The following SDK1 variants were observed in gnomAD, a reference collection of about 807,000 sequenced individuals.
SDK1 encodes the protein sidekick cell adhesion molecule 1.
SDK1 carries 157 observed loss-of-function variants against 245.5 expected under a neutral mutation model. The ratio of observed to expected loss-of-function variants is 0.64; its 90% CI spans 0.56 to 0.73. The LOEUF is 0.73. SDK1 is among the 30% of genes least tolerant of loss of function. SDK1 has a pLI of 0.00. For synonymous variants in SDK1, 1,647 were observed against 1,278.5 expected (o/e 1.29, Z -6.15); for missense variants, 3,583 against 3,002.3 (o/e 1.19, Z -4.52).
In SDK1 at chr7:3,755,389, C is replaced by T. The variant is rs528884471; in HGVS notation, c.714-66061C>T. On this transcript the variant is annotated intron_variant, in intron 4 of 44. Coordinates refer to ENST00000404826, the MANE Select transcript of SDK1 (RefSeq NM_152744.4). ...GTGTTTTGGCTTCCTGGGTTTCTCA[C>T]GCGGGTGGGAGTTGACATACACGGT... is the stretch of plus-strand genomic sequence containing the variant. Among the ~76,000 whole-genome samples the T allele has an allele frequency of 5.3e-5, 8 of 152,246 alleles. 1 individual carries two copies. The highest frequency in any genetic ancestry group is 4.2e-4 in the South Asian group (2 of 4,814).
At chr7:4,188,116 C>T (rs1412670463) in intron 35 of SDK1, among the ~76,000 whole-genome samples, 1 of 152,194 alleles carries the variant, frequency 6.6e-6, no homozygotes, top group African/African-American at 2.4e-5. Context: ...TCTTCCGCAA[C>T]ATGTGAGAAT....
intron 4 of SDK1, among the ~76,000 whole-genome samples, chr7:3,692,137 AATTT>A (rs1262885497): frequency 6.6e-6 from 1 of 152,156 alleles, no homozygotes; most frequent in Non-Finnish European, 1.5e-5. Context: ...TTATATTAAT[AATTT>A]TATTGTAATT....
At chr7:3,668,200 T>G (rs911246438) in intron 4 of SDK1, among the ~76,000 whole-genome samples, 2 of 152,204 alleles carry the variant, frequency 1.3e-5, no homozygotes, top group Non-Finnish European at 2.9e-5. Flanking sequence ...TCAGGTGTTT[T>G]GTACACAAAT....
Position 4,209,921 on chromosome 7 carries a change from T to C in SDK1, c.5402-104T>C. On this transcript the variant is annotated intron_variant, in intron 37 of 44. Transcript: ENST00000404826. The stretch of plus-strand genomic sequence containing the variant: ...ATTCAGACTTTTACTGAGTTGAAAA[T>C]AACATCGAATAACATTTTTTATTCT... The C allele has an allele frequency of 2.8e-6, 3 of 1,064,142 alleles. No homozygotes were observed. In the South Asian group the frequency reaches 6.8e-5, roughly 24 times the overall value. The allele number at this position is 1,064,142 out of a possible 1,614,324, so 65.9% of individuals were successfully genotyped here.
chr7:4,155,255 C>G (rs1388897411), intron 30 of SDK1, among the ~76,000 whole-genome samples: 1 of 151,790 alleles, frequency 6.6e-6, no homozygotes, highest in Non-Finnish European at 1.5e-5. Context: ...TTTTGTGTTC[C>G]CTGCAGCTCA....
At chr7:3,426,109 C>A (rs908677039) in intron 1 of SDK1, among the ~76,000 whole-genome samples, 3 of 152,174 alleles carry the variant, frequency 2.0e-5, no homozygotes, top group Admixed American at 6.5e-5. Flanking sequence ...AAGCAGTAAA[C>A]AACGTGGAAG....
chr7:3,638,033 A>G (rs996760663), intron 2 of SDK1, among the ~76,000 whole-genome samples: 2 of 152,232 alleles, frequency 1.3e-5, no homozygotes, highest in African/African-American at 4.8e-5. Context: ...AGAATTATAA[A>G]CGATTTTTGA....
At chr7:3,797,754 C>T (rs1007310621) in intron 4 of SDK1, among the ~76,000 whole-genome samples, 27 of 152,180 alleles carry the variant, frequency 1.8e-4, no homozygotes, top group African/African-American at 6.3e-4. Flanking sequence ...TTTTAAATGG[C>T]TAGTGAATGG....
intron 5 of SDK1, among the ~76,000 whole-genome samples, chr7:3,833,749 T>C (rs1238149790): frequency 6.6e-6 from 1 of 152,242 alleles, no homozygotes. Context: ...ATGAAGCGAA[T>C]AGGCAGTATT....
chr7:3,795,943 G>A (rs752231719), intron 4 of SDK1, among the ~76,000 whole-genome samples: 1 of 152,168 alleles, frequency 6.6e-6, no homozygotes, highest in Admixed American at 6.5e-5. Context: ...TTCATGATCA[G>A]ATGCACACAC....
chr7:3,767,614 T>C (rs1166819275), intron 4 of SDK1, among the ~76,000 whole-genome samples: 2 of 152,200 alleles, frequency 1.3e-5, no homozygotes, highest in African/African-American at 4.8e-5. Context: ...CTCCCACTAA[T>C]TTTCAGAGCT....
intron 5 of SDK1, among the ~76,000 whole-genome samples, chr7:3,890,675 C>G (rs1006449998): frequency 5.3e-5 from 8 of 151,626 alleles, no homozygotes; most frequent in African/African-American, 1.7e-4. Flanking sequence ...GGTGTGGTAG[C>G]TCGTGCCTGT....
chr7:3,658,432 A>C (rs774184776), intron 4 of SDK1, among the ~76,000 whole-genome samples: 1 of 152,054 alleles, frequency 6.6e-6, no homozygotes, highest in Non-Finnish European at 1.5e-5. Context: ...TGAAGGGCTC[A>C]CATTCTGCTG....
At chr7:3,799,707 A>AG (rs1779059679) in intron 4 of SDK1, among the ~76,000 whole-genome samples, 2 of 125,224 alleles carry the variant, frequency 1.6e-5, no homozygotes, top group South Asian at 4.7e-4. Flanking sequence ...TCCATCTCAA[A>AG]AAAAAAAAAA....
At chr7:3,998,306 C>T (rs1006795873) in intron 14 of SDK1, among the ~76,000 whole-genome samples, 24 of 152,236 alleles carry the variant, frequency 1.6e-4, no homozygotes, top group African/African-American at 5.5e-4. Flanking sequence ...GGCATGATGG[C>T]AGCGGCAGGC....
chr7:4,170,273 G>A (rs141565833), intron 32 of SDK1, among the ~76,000 whole-genome samples: 65 of 152,180 alleles, frequency 4.3e-4, no homozygotes, highest in Non-Finnish European at 6.6e-4. Flanking sequence ...ATGGTGAGAC[G>A]TCATCTCTAC....
At chr7:3,731,382 C>T (rs1203661727) in intron 4 of SDK1, among the ~76,000 whole-genome samples, 1 of 152,170 alleles carries the variant, frequency 6.6e-6, no homozygotes, top group African/African-American at 2.4e-5. Context: ...CCCGAGTCAG[C>T]GTGGGAGGGC....
chr7:3,542,401 C>T (rs1320364920), intron 1 of SDK1, among the ~76,000 whole-genome samples: 1 of 152,200 alleles, frequency 6.6e-6, no homozygotes, highest in Non-Finnish European at 1.5e-5. Context: ...CTTTGCTTTA[C>T]ACCTGCATAG....
chr7:3,777,990 G>A (rs1047209488), intron 4 of SDK1, among the ~76,000 whole-genome samples: 7 of 152,176 alleles, frequency 4.6e-5, no homozygotes, highest in Admixed American at 4.6e-4. Flanking sequence ...TTTGGCAGCT[G>A]ACATTTTCTA....
Sources: allele counts gnomAD v4.1 joint callset (sites outside exome capture counted in the v4.1 genomes callset), GRCh38; gene constraint gnomAD v4.1.1; transcripts MANE v1.5; gene names NCBI Gene and HGNC (gene_info 2026-07-23, HGNC 2026-07-21).